MEGF11: variants seen among roughly 807,000 people sequenced by gnomAD.
The protein encoded by MEGF11 is multiple EGF like domains 11, also known as multiple epidermal growth factor-like domains protein 11.
Under a neutral mutation model 146.6 loss-of-function variants are expected in MEGF11, and 126 were observed. That is an observed-to-expected ratio of 0.86 (90% CI 0.74 to 1.00). MEGF11 has a LOEUF of 1.00. MEGF11 is among the 50% of genes least tolerant of loss of function. The pLI is 0.00. For synonymous variants in MEGF11, 532 were observed against 583.4 expected (o/e 0.91, Z 1.27); for missense variants, 1,509 against 1,521.2 (o/e 0.99, Z 0.13).
chr15:66,166,570 T>A (rs1020218973), intron 1 of MEGF11, among the ~76,000 whole-genome samples: 10 of 152,102 alleles, frequency 6.6e-5, no homozygotes, highest in Non-Finnish European at 8.8e-5. Context: ...CCAAAGGCCC[T>A]TCATGATCTG....
intron 1 of MEGF11, among the ~76,000 whole-genome samples, chr15:66,159,331 C>T (rs1219523202): frequency 6.6e-6 from 1 of 152,204 alleles, no homozygotes; most frequent in Non-Finnish European, 1.5e-5. Context: ...AAATATTTTC[C>T]TTCCCCTCCT....
Position 65,955,793 on chromosome 15 carries a change from T to TATATATACACACAC in MEGF11, c.1287+1753_1287+1754insGTGTGTGTATATAT, listed in dbSNP as rs1555455862. Among the ~76,000 whole-genome samples, 17 of 6,750 alleles carry TATATATACACACAC rather than the reference T, an allele frequency of 2.5e-3. 3 individuals carry two copies. The highest frequency in any genetic ancestry group is 5.7e-3 in the East Asian group (1 of 176). The allele number at this position is 6,750 out of a possible 152,430, so 4.4% of individuals were successfully genotyped here. A position where few individuals can be genotyped will look rare whatever the true frequency, so the allele number is the denominator to read the frequency against. On this transcript the variant is annotated intron_variant, in intron 10 of 25. Coordinates refer to ENST00000395614, the MANE Select transcript of MEGF11 (RefSeq NM_001385028.1). Reference sequence around the variant, plus strand: ...ATATATATATATATATATATATATATACACACACACACACACACACAATAC... The same window carrying TATATATACACACAC: ...ATATATATATATATATATATATATATATATATACACACACACACACACACACACACACACAATAC...
chr15:66,115,090 G>A (rs1201563794), intron 4 of MEGF11, among the ~76,000 whole-genome samples: 1 of 152,234 alleles, frequency 6.6e-6, no homozygotes. Context: ...CAGCCTGCAA[G>A]AAACAAGGCT....
intron 8 of MEGF11, among the ~76,000 whole-genome samples, chr15:65,969,169 G>A (rs144979896): frequency 9.1e-4 from 139 of 152,256 alleles, no homozygotes; most frequent in Middle Eastern, 3.4e-3. Context: ...AGGGAAAATC[G>A]ACAGCACCAA....
chr15:66,162,670 A>T (rs1194161210), intron 1 of MEGF11, among the ~76,000 whole-genome samples: 1 of 152,218 alleles, frequency 6.6e-6, no homozygotes, highest in Non-Finnish European at 1.5e-5. Flanking sequence ...AAAGGCACGA[A>T]GTAGCCTTCT....
At chr15:66,113,657 G>T (rs1461264865) in intron 4 of MEGF11, among the ~76,000 whole-genome samples, 1 of 152,196 alleles carries the variant, frequency 6.6e-6, no homozygotes, top group Non-Finnish European at 1.5e-5. Flanking sequence ...ACTTTGGGAG[G>T]CCGAGGCGGG....
chr15:65,900,408 T>TA (rs2078466241), intron 24 of MEGF11, among the ~76,000 whole-genome samples: 1 of 152,254 alleles, frequency 6.6e-6, no homozygotes, highest in South Asian at 2.1e-4. Flanking sequence ...CTGAAGTAGC[T>TA]AGATGTGTGC....
intron 5 of MEGF11, among the ~76,000 whole-genome samples, chr15:66,091,319 G>A (rs377191966): frequency 2.6e-5 from 4 of 152,002 alleles, no homozygotes; most frequent in Non-Finnish European, 5.9e-5. Flanking sequence ...TCCCATGGCC[G>A]ACTCCTCTAT....
intron 10 of MEGF11, among the ~76,000 whole-genome samples, chr15:65,956,570 C>G (rs771510346): frequency 6.6e-6 from 1 of 152,188 alleles, no homozygotes; most frequent in African/African-American, 2.4e-5. Context: ...CACACTCTTT[C>G]AACTGCACAA....
intron 2 of MEGF11, among the ~76,000 whole-genome samples, chr15:66,126,166 T>C (rs545068013): frequency 6.6e-6 from 1 of 152,290 alleles, no homozygotes; most frequent in East Asian, 1.9e-4. Flanking sequence ...CCAGAAGCAC[T>C]AATCCAGCTG....
At chr15:66,060,482 T>C (rs2084856405) in intron 5 of MEGF11, among the ~76,000 whole-genome samples, 1 of 152,208 alleles carries the variant, frequency 6.6e-6, no homozygotes, top group Non-Finnish European at 1.5e-5. Flanking sequence ...CTCCACGCCT[T>C]TGCGCAGAAG....
intron 13 of MEGF11, among the ~76,000 whole-genome samples, chr15:65,927,816 C>G (rs1319506898): frequency 6.6e-6 from 1 of 152,172 alleles, no homozygotes; most frequent in Non-Finnish European, 1.5e-5. Flanking sequence ...GAGCCAGATC[C>G]CGTGGGCCCT....
In MEGF11 at chr15:65,965,083, G is replaced by A; in HGVS notation, c.937C>T (p.Gln313Ter). 1 of 1,596,828 alleles carries A rather than the reference G, an allele frequency of 6.3e-7. No individual in the cohort carries two copies. The highest frequency in any genetic ancestry group is 1.7e-5 in the Admixed American group (1 of 58,634). The change falls in exon 9 of 26, where the codon CAG (glutamine) becomes TAG (stop). Residue 313 changes from glutamine to a stop codon, truncating the protein, a stop_gained. Coordinates refer to ENST00000395614, the MANE Select transcript of MEGF11 (RefSeq NM_001385028.1). LOFTEE classifies it high-confidence loss of function. ...EECPFGSFGF[Q>*]CSQHCDCHNG... ...TGGCAGTCACAGTGCTGTGAGCACT[G>A]GAAGCCGAAGGACCCGAAGGGGCAC...
At chr15:65,909,837 T>A in intron 21 of MEGF11, 31 bp from the exon 22 acceptor site, 2 of 1,538,046 alleles carry the variant, frequency 1.3e-6, no homozygotes, top group Non-Finnish European at 1.7e-6. Flanking sequence ...CCAGTTAATA[T>A]CTAGTGCCCC....
intron 1 of MEGF11, among the ~76,000 whole-genome samples, chr15:66,244,187 C>A (rs561303840): frequency 6.6e-6 from 1 of 152,298 alleles, no homozygotes; most frequent in Admixed American, 6.5e-5. Context: ...TCTCACACCT[C>A]ATCTCTCCCG....
intron 10 of MEGF11, among the ~76,000 whole-genome samples, chr15:65,942,093 G>A (rs1452968903): frequency 3.9e-5 from 6 of 152,134 alleles, no homozygotes; most frequent in African/African-American, 9.7e-5. Flanking sequence ...AACCAAGGCC[G>A]GAGAGGTCGA....
intron 5 of MEGF11, among the ~76,000 whole-genome samples, chr15:65,985,977 G>C (rs1221480098): frequency 1.4e-5 from 2 of 147,078 alleles, no homozygotes; most frequent in African/African-American, 5.0e-5. Flanking sequence ...TTGAGACAGA[G>C]TTTTGTTCTT....
chr15:66,131,573 G>T (rs1379830835), intron 1 of MEGF11, among the ~76,000 whole-genome samples: 1 of 152,214 alleles, frequency 6.6e-6, no homozygotes, highest in African/African-American at 2.4e-5. Flanking sequence ...AGACAGCGGA[G>T]AGCTTGCACT....
intron 1 of MEGF11, among the ~76,000 whole-genome samples, chr15:66,173,441 G>A (rs566168918): frequency 6.6e-6 from 1 of 152,060 alleles, no homozygotes; most frequent in South Asian, 2.1e-4. Context: ...TCAGCCTCCT[G>A]AATAGCTGGG....
Sources: allele counts gnomAD v4.1 joint callset (sites outside exome capture counted in the v4.1 genomes callset), GRCh38; gene constraint gnomAD v4.1.1; transcripts MANE v1.5; gene names NCBI Gene and HGNC (gene_info 2026-07-23, HGNC 2026-07-21).